EXOC2: variants seen among roughly 807,000 people sequenced by gnomAD.
EXOC2 encodes the protein SEC5-like 1.
Under a neutral mutation model 131.8 loss-of-function variants are expected in EXOC2, and 70 were observed. That is an observed-to-expected ratio of 0.53 (90% CI 0.44 to 0.65). The LOEUF is 0.65. Among genes scored for constraint, EXOC2 ranks in the 30% least tolerant of loss-of-function variants. The probability of loss-of-function intolerance (pLI) is 0.00; values close to 1 mark genes in which losing one functional copy is unlikely to be tolerated. For synonymous variants in EXOC2, 411 were observed against 398.4 expected, an observed-to-expected ratio of 1.03 and a Z score of -0.38; for missense variants, 923 against 1,108.6, an observed-to-expected ratio of 0.83 and a Z score of 2.38.
rs527276355 is a variant in EXOC2 at position 599,888 on chromosome 6, A to G, written c.743-663T>C. 9.8e-4 allele frequency among the ~76,000 whole-genome samples: 149 copies of G among 152,230 alleles called. 1 individual carries two copies. The highest frequency in any genetic ancestry group is 3.3e-3 in the African/African-American group (138 of 41,534). ...TTTTTCACCTAAAAGACCCCAAACCATATGAATCACTGTAATGAAAGAGTT... is the reference window on the plus strand; with the variant it reads ...TTTTTCACCTAAAAGACCCCAAACCGTATGAATCACTGTAATGAAAGAGTT... On this transcript the variant is annotated intron_variant, in intron 7 of 27. Coordinates refer to ENST00000230449, the MANE Select transcript of EXOC2 (RefSeq NM_018303.6).
chr6:495,623 C>G (rs541206744), intron 25 of EXOC2, among the ~76,000 whole-genome samples: 3 of 152,308 alleles, frequency 2.0e-5, no homozygotes, highest in African/African-American at 7.2e-5. Context: ...GAGCTCTTCC[C>G]TAAGCAGTTG....
intron 11 of EXOC2, among the ~76,000 whole-genome samples, chr6:590,092 G>A (rs1759454243): frequency 6.7e-6 from 1 of 149,750 alleles, no homozygotes; most frequent in Non-Finnish European, 1.5e-5. Context: ...TCCAGCCTGG[G>A]CGACAAAGCG....
chr6:651,823 C>T (rs909560711), intron 1 of EXOC2, among the ~76,000 whole-genome samples: 4 of 150,724 alleles, frequency 2.7e-5, no homozygotes, highest in Non-Finnish European at 4.4e-5. Context: ...TTTGGGAGGC[C>T]GAGGCGGGCA....
At chr6:678,464 T>C (rs997739429) in intron 1 of EXOC2, among the ~76,000 whole-genome samples, 2 of 152,196 alleles carry the variant, frequency 1.3e-5, no homozygotes, top group African/African-American at 4.8e-5. Flanking sequence ...AGTGAATTCG[T>C]GGGCCAGGTG....
intron 11 of EXOC2, among the ~76,000 whole-genome samples, chr6:591,385 A>G (rs1268140455): frequency 6.6e-6 from 1 of 152,040 alleles, no homozygotes; most frequent in Non-Finnish European, 1.5e-5. Flanking sequence ...CTAAGCTCCA[A>G]CCACACAGGA....
At chr6:685,869 CTTTT>C (rs58892194) in intron 1 of EXOC2, among the ~76,000 whole-genome samples, 14 of 98,240 alleles carry the variant, frequency 1.4e-4, no homozygotes, top group South Asian at 3.3e-4. Flanking sequence ...TCCTGGACCT[CTTTT>C]TTTTTTTTTT....
rs151086954 is a variant in EXOC2 at position 504,107 on chromosome 6, T to C, written c.2381-4407A>G. Reference sequence around the variant, plus strand: ...CGGCCAACACCGTTGGCAAAAGCAGTAGCCACGTGCTTTCCCGACTGGGCA... The same window carrying C: ...CGGCCAACACCGTTGGCAAAAGCAGCAGCCACGTGCTTTCCCGACTGGGCA... On this transcript the variant is annotated intron_variant, in intron 23 of 27. Transcript: ENST00000230449. Among the ~76,000 whole-genome samples the C allele has an allele frequency of 4.2e-3, 639 of 152,302 alleles. 2 individuals carry two copies. The highest frequency in any genetic ancestry group is 0.012 in the South Asian group (60 of 4,824).
chr6:517,835 C>T (rs1408020656), intron 23 of EXOC2, among the ~76,000 whole-genome samples: 3 of 152,096 alleles, frequency 2.0e-5, no homozygotes, highest in Non-Finnish European at 2.9e-5. Flanking sequence ...GACAAAGGAA[C>T]AGGTTAAATG....
At chr6:688,441 C>T (rs1236726495) in intron 1 of EXOC2, among the ~76,000 whole-genome samples, 1 of 152,178 alleles carries the variant, frequency 6.6e-6, no homozygotes, top group Non-Finnish European at 1.5e-5. Flanking sequence ...TACAGAACAA[C>T]AACGATACAA....
At chr6:660,379 C>A (rs1426195670) in intron 1 of EXOC2, among the ~76,000 whole-genome samples, 2 of 152,194 alleles carry the variant, frequency 1.3e-5, no homozygotes, top group East Asian at 1.9e-4. Flanking sequence ...TAAGGACCCT[C>A]CCTCAGGGAG....
intron 1 of EXOC2, among the ~76,000 whole-genome samples, chr6:641,124 G>C (rs1269785801): frequency 3.9e-5 from 6 of 152,140 alleles, no homozygotes; most frequent in Non-Finnish European, 7.4e-5. Flanking sequence ...GTGTTTGGGG[G>C]CAGGCAAGAC....
chr6:581,393 T>C (rs966497954), intron 11 of EXOC2, among the ~76,000 whole-genome samples: 4 of 152,148 alleles, frequency 2.6e-5, no homozygotes, highest in Admixed American at 6.5e-5. Context: ...GTAAGCACAG[T>C]AATAAACATA....
chr6:496,761 G>C (rs11753820), intron 25 of EXOC2, among the ~76,000 whole-genome samples: 7,119 of 152,170 alleles, frequency 0.047, 243 homozygotes, highest in Non-Finnish European at 0.073. Flanking sequence ...GTTGTTATTT[G>C]TGGTGGGCTG....
intron 1 of EXOC2, among the ~76,000 whole-genome samples, chr6:653,880 T>C (rs1270909225): frequency 6.6e-6 from 1 of 152,232 alleles, no homozygotes; most frequent in Non-Finnish European, 1.5e-5. Context: ...GGGGCTAATG[T>C]AGCTGGTAAT....
chr6:617,697 G>A lies in EXOC2; in HGVS notation c.661+14C>T. On this transcript the variant is annotated intron_variant, in intron 6 of 27. Coordinates refer to ENST00000230449, the MANE Select transcript of EXOC2 (RefSeq NM_018303.6). Reference sequence around the variant, plus strand: ...GCGGAAGCTGCCAGCAGATGGCTCTGAGGATCGCCTTACCTGAGAGGGCAT... The same window carrying A: ...GCGGAAGCTGCCAGCAGATGGCTCTAAGGATCGCCTTACCTGAGAGGGCAT... 6.2e-7 allele frequency: 1 copy of A among 1,609,418 alleles called. No individual in the cohort carries two copies. Among genetic ancestry groups the A allele is most frequent in the East Asian group, 2.2e-5 (1 of 44,776 alleles).
intron 23 of EXOC2, among the ~76,000 whole-genome samples, chr6:522,373 T>C (rs1765516391): frequency 7.5e-6 from 1 of 134,002 alleles, no homozygotes; most frequent in Non-Finnish European, 1.6e-5. Flanking sequence ...CCATGCGGAC[T>C]GCAGGACAGC....
At chr6:558,458 A>G (rs1757534287) in intron 17 of EXOC2, among the ~76,000 whole-genome samples, 1 of 152,218 alleles carries the variant, frequency 6.6e-6, no homozygotes, top group Admixed American at 6.5e-5. Flanking sequence ...AAGATGTTAC[A>G]ATGATAATTA....
At chr6:502,338 C>A (rs973879615) in intron 23 of EXOC2, among the ~76,000 whole-genome samples, 1 of 152,090 alleles carries the variant, frequency 6.6e-6, no homozygotes, top group Non-Finnish European at 1.5e-5. Flanking sequence ...ACTGGAAATG[C>A]GAAGGCAGTT....
intron 4 of EXOC2, among the ~76,000 whole-genome samples, chr6:621,764 C>T (rs573863306): frequency 2.6e-5 from 4 of 152,264 alleles, no homozygotes; most frequent in East Asian, 1.9e-4. Flanking sequence ...TCCTTTTCAC[C>T]GGTCAGCAGT....
Sources: allele counts gnomAD v4.1 joint callset (sites outside exome capture counted in the v4.1 genomes callset), GRCh38; gene constraint gnomAD v4.1.1; transcripts MANE v1.5; gene names NCBI Gene and HGNC (gene_info 2026-07-23, HGNC 2026-07-21).